WWC2: variants seen among roughly 807,000 people sequenced by gnomAD.
WWC2 encodes the protein protein WWC2.
A neutral mutation model predicts 138.5 loss-of-function variants in WWC2; 101 were observed. The ratio of observed to expected loss-of-function variants is 0.73; its 90% CI spans 0.62 to 0.86. The LOEUF is 0.86. WWC2 is among the 40% of genes least tolerant of loss of function. The pLI is 0.00. For synonymous variants in WWC2, 558 were observed against 538.4 expected, an observed-to-expected ratio of 1.04 and a Z score of -0.50; for missense variants, 1,420 against 1,419.4, an observed-to-expected ratio of 1.00 and a Z score of -0.01.
chr4:183,122,658 T>C (rs560149812), intron 1 of WWC2, among the ~76,000 whole-genome samples: 1 of 152,282 alleles, frequency 6.6e-6, no homozygotes, highest in South Asian at 2.1e-4. Flanking sequence ...TAGCTGGGAT[T>C]ACAGGCATGC....
chr4:183,209,004 G>A lies in WWC2; in HGVS notation c.501G>A (p.Glu167=). Residue 167 remains glutamate (E), a synonymous_variant, in exon 4 of 23, where the codon GAG becomes GAA. Transcript: ENST00000403733. ...ATGATCCCGATATTTTAAAAGCTGA[G>A]ATCTCCACTACAAGATTAAGGGTAA... The part of the protein sequence containing the change: ...TKYDPDILKA[E]ISTTRLRVKK... 1 of 1,573,282 alleles carries A rather than the reference G, an allele frequency of 6.4e-7. No individual in the cohort carries two copies. The highest frequency in any genetic ancestry group is 8.6e-7 in the Non-Finnish European group (1 of 1,156,808).
At chr4:183,183,269 T>TATCACCC (rs1306882542) in intron 1 of WWC2, among the ~76,000 whole-genome samples, 2 of 152,224 alleles carry the variant, frequency 1.3e-5, no homozygotes, top group African/African-American at 2.4e-5. Flanking sequence ...TTGCCGCACC[T>TATCACCC]ATCACCCATC....
Position 183,193,641 on chromosome 4 carries a change from G to A in WWC2, c.174G>A (p.Glu58=), listed in dbSNP as rs772689856. 9.2e-5 allele frequency: 148 copies of A among 1,613,812 alleles called. 1 individual carries two copies. Among genetic ancestry groups the A allele is most frequent in the South Asian group, 6.1e-4 (56 of 91,068 alleles). Residue 58 remains glutamate, a synonymous_variant, in exon 2 of 23, where the codon GAG becomes GAA. Coordinates refer to ENST00000403733, the MANE Select transcript of WWC2 (RefSeq NM_024949.6). ...PLSFADCVGD[E]LPWGWEAGFD... is the part of the protein sequence containing the mutation. ...CATTTGCTGATTGTGTTGGGGATGAGCTGCCGTGGGGATGGGAAGCAGGGT... is the reference window on the plus strand; with the variant it reads ...CATTTGCTGATTGTGTTGGGGATGAACTGCCGTGGGGATGGGAAGCAGGGT...
intron 1 of WWC2, among the ~76,000 whole-genome samples, chr4:183,125,107 G>T (rs1732721212): frequency 6.6e-6 from 1 of 152,146 alleles, no homozygotes; most frequent in Non-Finnish European, 1.5e-5. Flanking sequence ...GGAGTTACAG[G>T]CTTTCCTTCA....
At chr4:183,310,667 A>ATT (rs33923162) in intron 21 of WWC2, among the ~76,000 whole-genome samples, 13,341 of 130,920 alleles carry the variant, frequency 0.1, 868 homozygotes, top group Non-Finnish European at 0.12. Context: ...CACCTAGCTA[A>ATT]TTTTTTTTTT....
intron 4 of WWC2, among the ~76,000 whole-genome samples, chr4:183,238,660 C>T (rs149467128): frequency 3.3e-5 from 5 of 152,110 alleles, no homozygotes; most frequent in African/African-American, 1.2e-4. Flanking sequence ...TGTTGAGGAC[C>T]CCTTCTACCA....
intron 4 of WWC2, among the ~76,000 whole-genome samples, 188 bp downstream of exon 4, chr4:183,209,213 A>G (rs1735528467): frequency 6.6e-6 from 1 of 152,072 alleles, no homozygotes; most frequent in Admixed American, 6.6e-5. Flanking sequence ...TATTATTGAG[A>G]CAATGTGTTC....
intron 2 of WWC2, among the ~76,000 whole-genome samples, chr4:183,193,942 G>GCCTC (rs1358266603): frequency 2.0e-5 from 3 of 152,180 alleles, no homozygotes; most frequent in African/African-American, 7.2e-5. Flanking sequence ...CTGCCTGCCT[G>GCCTC]CCTGCTGGGG....
chr4:183,161,275 A>C (rs1400128443), intron 1 of WWC2, among the ~76,000 whole-genome samples: 7 of 152,224 alleles, frequency 4.6e-5, no homozygotes, highest in Non-Finnish European at 1.0e-4. Flanking sequence ...TACAAACAGA[A>C]ACTTCATTAA....
rs1196787089 is a variant in WWC2, at chr4:183,261,569, AG to A, written c.1909+38del. The A allele has an allele frequency of 1.9e-6, 3 of 1,565,662 alleles. No individual in the cohort carries two copies. The Admixed American group carries it at 5.7e-5, about 30-fold the overall frequency. On this transcript the variant is annotated intron_variant, in intron 11 of 22. Transcript: ENST00000403733. ...CCTTTGCTTTCATGTATTCCCTGTT[AG>A]TGATTTTAAGGAGAATGATTGGAGC... is the stretch of plus-strand genomic sequence containing the variant.
chr4:183,318,458 T>A lies in WWC2; in HGVS notation c.*2729T>A, dbSNP rs772267389. The A allele has an allele frequency of 1.3e-5, 2 of 150,320 alleles. No individual in the cohort carries two copies. Among genetic ancestry groups the A allele is most frequent in the Non-Finnish European group, 3.0e-5 (2 of 67,680 alleles). The allele number at this position is 150,320 out of a possible 1,614,324, so 9.3% of individuals were successfully genotyped here. The stretch of plus-strand genomic sequence containing the variant: ...GATTAACTGGTTTCTGCACTTTCCA[T>A]GTGTTTGTGGGTGGAAAAAAATTCA... On this transcript the variant is annotated 3_prime_UTR_variant, in exon 23 of 23. Transcript: ENST00000403733.
chr4:183,169,131 A>C (rs1561446188), intron 1 of WWC2, among the ~76,000 whole-genome samples: 1 of 152,150 alleles, frequency 6.6e-6, no homozygotes, highest in African/African-American at 2.4e-5. Context: ...TGCAGGCGTG[A>C]ACCACCACGC....
At chr4:183,206,628 T>C (rs1259563161) in intron 2 of WWC2, among the ~76,000 whole-genome samples, 3 of 152,224 alleles carry the variant, frequency 2.0e-5, no homozygotes, top group African/African-American at 2.4e-5. Flanking sequence ...AGGAAACCTC[T>C]TTTATTTACT....
intron 21 of WWC2, among the ~76,000 whole-genome samples, chr4:183,310,133 C>T (rs1261566854): frequency 6.6e-6 from 1 of 152,148 alleles, no homozygotes; most frequent in Non-Finnish European, 1.5e-5. Context: ...ATGGTGGGTA[C>T]ATGTCATTAT....
At chr4:183,311,651 C>T (rs1304528431) in intron 21 of WWC2, among the ~76,000 whole-genome samples, 1 of 147,412 alleles carries the variant, frequency 6.8e-6, no homozygotes, top group Non-Finnish European at 1.5e-5. Context: ...GCGATCTCGG[C>T]TCACTGCAAG....
intron 16 of WWC2, among the ~76,000 whole-genome samples, chr4:183,280,229 GTTTTT>G (rs869235261): frequency 3.1e-5 from 2 of 65,432 alleles, no homozygotes; most frequent in South Asian, 8.3e-4. Context: ...GATAGCAGCT[GTTTTT>G]TTTTTTTTTT....
intron 10 of WWC2, 25 bp from the exon 11 acceptor site, chr4:183,260,885 A>T (rs1737299875): frequency 6.2e-7 from 1 of 1,609,432 alleles, no homozygotes; most frequent in African/African-American, 1.3e-5. Context: ...AACAGATTTT[A>T]TGGTGTGTGC....
chr4:183,180,329 C>T (rs1044674113), intron 1 of WWC2, among the ~76,000 whole-genome samples: 16 of 152,054 alleles, frequency 1.1e-4, no homozygotes, highest in African/African-American at 3.6e-4. Context: ...CACACTTTGC[C>T]GTCTTGTCTC....
chr4:183,176,547 C>T (rs1033909017), intron 1 of WWC2, among the ~76,000 whole-genome samples: 1 of 151,914 alleles, frequency 6.6e-6, no homozygotes, highest in African/African-American at 2.4e-5. Context: ...CTCAGCCTCC[C>T]GAGTAGCTAG....
Sources: gnomAD v4.1 joint callset for allele counts (sites outside exome capture counted in the v4.1 genomes callset) on GRCh38, gnomAD v4.1.1 for gene constraint, MANE v1.5 for transcripts, NCBI Gene and HGNC (gene_info 2026-07-23, HGNC 2026-07-21) for gene names.